Variants in CDK17 observed in about 807,000 individuals in gnomAD.
CDK17 encodes the protein cyclin-dependent kinase 17.
In CDK17, 24 loss-of-function variants were observed where a neutral mutation model predicts 77.6. The observed-to-expected ratio is 0.31, with a 90% CI of 0.22 to 0.44. The LOEUF is 0.44. Ranked by LOEUF, CDK17 falls within the 20% of genes least tolerant of loss-of-function variation. CDK17 has a pLI of 1.00. For synonymous variants in CDK17, 203 were observed against 210.4 expected, an observed-to-expected ratio of 0.96 and a Z score of 0.30; for missense variants, 429 against 622.5, an observed-to-expected ratio of 0.69 and a Z score of 3.31.
intron 1 of CDK17, among the ~76,000 whole-genome samples, chr12:96,348,281 C>T (rs983356948): frequency 6.6e-6 from 1 of 151,730 alleles, no homozygotes; most frequent in Middle Eastern, 3.2e-3. Flanking sequence ...AGGCTGGGCA[C>T]AGGGAGGCTG....
chr12:96,337,501 T>G (rs1398297248), intron 1 of CDK17, among the ~76,000 whole-genome samples: 1 of 152,132 alleles, frequency 6.6e-6, no homozygotes, highest in African/African-American at 2.4e-5. Flanking sequence ...TACAAGTTAC[T>G]CCATCATAGG....
intron 2 of CDK17, among the ~76,000 whole-genome samples, chr12:96,328,693 T>C (rs766856498): frequency 2.0e-5 from 3 of 152,198 alleles, no homozygotes; most frequent in Non-Finnish European, 2.9e-5. Context: ...GATTTGGTCA[T>C]GTGAAGTCTA....
intron 1 of CDK17, among the ~76,000 whole-genome samples, chr12:96,354,791 G>T (rs1187858123): frequency 6.6e-6 from 1 of 152,108 alleles, no homozygotes; most frequent in Non-Finnish European, 1.5e-5. Flanking sequence ...GGCTGAGACA[G>T]GAGGATTACT....
In CDK17 at chr12:96,278,360, A is replaced by G. The variant is rs1326911098; in HGVS notation, c.*1882T>C. ...TACATTCTATGAAGTGACAAATTTGATACTTTATAATTGAGAGTGCTATAA... is the reference window on the plus strand; with the variant it reads ...TACATTCTATGAAGTGACAAATTTGGTACTTTATAATTGAGAGTGCTATAA... On this transcript the variant is annotated 3_prime_UTR_variant, in exon 17 of 17. Transcript: ENST00000261211. 1 of 152,170 alleles carries G rather than the reference A, an allele frequency of 6.6e-6. No individual in the cohort carries two copies. Among genetic ancestry groups the G allele is most frequent in the Non-Finnish European group, 1.5e-5 (1 of 67,996 alleles). 9.4% of individuals were successfully genotyped at this position (152,170 alleles called of 1,614,324 possible).
chr12:96,300,248 G>T, intron 6 of CDK17, 56 bp downstream of exon 6: 1 of 1,180,014 alleles, frequency 8.5e-7, no homozygotes, highest in Non-Finnish European at 1.3e-6. Context: ...GAGTAACAGA[G>T]TTTGAATGAC....
At chr12:96,316,406 C>T (rs1450589116) in intron 3 of CDK17, among the ~76,000 whole-genome samples, 1 of 148,270 alleles carries the variant, frequency 6.7e-6, no homozygotes, top group Admixed American at 6.7e-5. Flanking sequence ...CCCAGGCTTG[C>T]TTAGGTAAAC....
intron 1 of CDK17, among the ~76,000 whole-genome samples, chr12:96,356,737 G>A (rs1317257221): frequency 6.6e-6 from 1 of 152,100 alleles, no homozygotes; most frequent in Non-Finnish European, 1.5e-5. Flanking sequence ...GTTTATTAAG[G>A]TTGTTTCTCA....
At chr12:96,306,230 G>A (rs1952575440) in intron 5 of CDK17, among the ~76,000 whole-genome samples, 2 of 151,966 alleles carry the variant, frequency 1.3e-5, no homozygotes, top group Non-Finnish European at 2.9e-5. Flanking sequence ...TCAAGCAAAG[G>A]TTTTATGTTA....
intron 1 of CDK17, among the ~76,000 whole-genome samples, chr12:96,397,616 G>A (rs560847214): frequency 6.9e-4 from 105 of 152,140 alleles, no homozygotes; most frequent in African/African-American, 2.4e-3. Context: ...AATGTAATGT[G>A]AAACTTATAA....
chr12:96,381,424 A>G (rs1310877198), intron 1 of CDK17, among the ~76,000 whole-genome samples: 2 of 152,010 alleles, frequency 1.3e-5, no homozygotes, highest in African/African-American at 4.8e-5. Context: ...GGTAACAGGA[A>G]GTCTATTTCA....
intron 10 of CDK17, among the ~76,000 whole-genome samples, chr12:96,294,418 C>T (rs537234659): frequency 8.6e-5 from 13 of 151,202 alleles, no homozygotes; most frequent in African/African-American, 2.9e-4. Context: ...ATGGTGGTCA[C>T]GCTAAAAATA....
chr12:96,332,755 C>A (rs1220132361), intron 2 of CDK17, among the ~76,000 whole-genome samples: 1 of 152,134 alleles, frequency 6.6e-6, no homozygotes, highest in Non-Finnish European at 1.5e-5. Flanking sequence ...AATAGATCGC[C>A]TATTTGCCCT....
intron 1 of CDK17, among the ~76,000 whole-genome samples, chr12:96,353,872 G>A (rs527723583): frequency 1.3e-5 from 2 of 152,140 alleles, no homozygotes; most frequent in East Asian, 3.9e-4. Context: ...AGTAAATTAA[G>A]GATTGAACCT....
intron 1 of CDK17, among the ~76,000 whole-genome samples, chr12:96,335,695 T>C (rs1457203063): frequency 6.6e-6 from 1 of 152,238 alleles, no homozygotes; most frequent in Non-Finnish European, 1.5e-5. Flanking sequence ...TATCTCACAA[T>C]TAATGTGATG....
At chr12:96,391,736 C>T (rs369278720) in intron 1 of CDK17, among the ~76,000 whole-genome samples, 2 of 152,022 alleles carry the variant, frequency 1.3e-5, no homozygotes, top group African/African-American at 2.4e-5. Context: ...GAAGGCCACA[C>T]CCCTTTTCTC....
chr12:96,361,852 A>G (rs1953497660), intron 1 of CDK17, among the ~76,000 whole-genome samples: 1 of 152,232 alleles, frequency 6.6e-6, no homozygotes, highest in Non-Finnish European at 1.5e-5. Flanking sequence ...TCATCAGAAG[A>G]GAAGATTAAT....
Position 96,316,615 on chromosome 12 carries a change from G to T in CDK17, c.284-3161C>A, listed in dbSNP as rs111557868. On this transcript the variant is annotated intron_variant, in intron 3 of 16. Transcript: ENST00000261211. ...AGCACGCAGCTGGAGATCTGAGAAC[G>T]GGCAGACTGCCTCCTCAAGTGGGTC... Among the ~76,000 whole-genome samples the T allele has an allele frequency of 1.6e-3, 216 of 136,150 alleles. 4 individuals are homozygous for T. Among genetic ancestry groups the T allele is most frequent in the Non-Finnish European group, 2.9e-3 (179 of 62,650 alleles). The allele number at this position is 136,150 out of a possible 152,430, so 89.3% of individuals were successfully genotyped here.
In CDK17 at chr12:96,323,663, T is replaced by C. The variant is rs560401546; in HGVS notation, c.283+285A>G. Among the ~76,000 whole-genome samples the C allele has an allele frequency of 1.4e-4, 22 of 152,296 alleles. No homozygotes were observed. The East Asian group carries it at 4.0e-3, about 28-fold the overall frequency. ...CTGAAAAGTTACTGAGGCATTACCC[T>C]AAAATAAACACCATCCCAAACTGCC... On this transcript the variant is annotated intron_variant, in intron 3 of 16. Coordinates refer to ENST00000261211, the MANE Select transcript of CDK17 (RefSeq NM_002595.5).
intron 1 of CDK17, among the ~76,000 whole-genome samples, chr12:96,396,577 TTAAA>T (rs1477402273): frequency 6.6e-6 from 1 of 152,188 alleles, no homozygotes; most frequent in Non-Finnish European, 1.5e-5. Flanking sequence ...GAAATATACT[TTAAA>T]TACCGATTTC....
Sources: gnomAD v4.1 joint callset for allele counts (sites outside exome capture counted in the v4.1 genomes callset) on GRCh38, gnomAD v4.1.1 for gene constraint, MANE v1.5 for transcripts, NCBI Gene and HGNC (gene_info 2026-07-23, HGNC 2026-07-21) for gene names.